The following ADK variants were observed in gnomAD, a reference collection of about 807,000 sequenced individuals.
The protein encoded by ADK is N6,N6-dimethyladenosine kinase.
ADK carries 24 observed loss-of-function variants against 44.7 expected under a neutral mutation model. That is an observed-to-expected ratio of 0.54 (90% CI 0.39 to 0.76). The LOEUF is 0.76. Among genes scored for constraint, ADK ranks in the 30% least tolerant of loss-of-function variants. The pLI is 0.00. For synonymous variants in ADK, 128 were observed against 142.6 expected (o/e 0.90, Z 0.73); for missense variants, 321 against 425.1 (o/e 0.76, Z 2.15).
At chr10:74,220,276 TGG>T (rs2132228024) in intron 2 of ADK, among the ~76,000 whole-genome samples, 1 of 152,216 alleles carries the variant, frequency 6.6e-6, no homozygotes, top group African/African-American at 2.4e-5. Flanking sequence ...CTAGAAGAAA[TGG>T]ATAAATTCCT....
chr10:74,494,478 T>G (rs1847608396), intron 6 of ADK, among the ~76,000 whole-genome samples: 1 of 152,140 alleles, frequency 6.6e-6, no homozygotes, highest in East Asian at 1.9e-4. Context: ...TCTCCTAGAG[T>G]TTAGAATTCC....
chr10:74,493,783 G>A (rs1380252419), intron 6 of ADK, among the ~76,000 whole-genome samples: 1 of 152,040 alleles, frequency 6.6e-6, no homozygotes, highest in East Asian at 1.9e-4. Context: ...CATAGGAAAT[G>A]TTAAAAATAT....
intron 3 of ADK, among the ~76,000 whole-genome samples, chr10:74,247,429 G>A (rs548866117): frequency 6.6e-6 from 1 of 151,126 alleles, no homozygotes; most frequent in Non-Finnish European, 1.5e-5. Flanking sequence ...TGTAGAGAAG[G>A]GTATTTTTTG....
intron 2 of ADK, among the ~76,000 whole-genome samples, chr10:74,223,987 G>T (rs1007556871): frequency 6.6e-6 from 1 of 152,110 alleles, no homozygotes; most frequent in Non-Finnish European, 1.5e-5. Flanking sequence ...TTCTGGGGAG[G>T]CTGAGACAGG....
chr10:74,184,435 T>C (rs1207666884), intron 1 of ADK, among the ~76,000 whole-genome samples: 1 of 151,864 alleles, frequency 6.6e-6, no homozygotes, highest in Admixed American at 6.6e-5. Context: ...GCTCAAGTGA[T>C]CCTCCCACCT....
chr10:74,443,333 TATATC>T (rs1845487417), intron 6 of ADK, among the ~76,000 whole-genome samples: 2 of 152,280 alleles, frequency 1.3e-5, no homozygotes, highest in South Asian at 4.1e-4. Context: ...AAAAATGTAT[TATATC>T]CACACAGTGA....
chr10:74,278,381 A>G (rs981640471), intron 3 of ADK, among the ~76,000 whole-genome samples: 1 of 151,438 alleles, frequency 6.6e-6, no homozygotes, highest in African/African-American at 2.4e-5. Flanking sequence ...AAAAAAAAAA[A>G]AAAAACAACC....
At chr10:74,445,370 C>T (rs1004994342) in intron 6 of ADK, among the ~76,000 whole-genome samples, 1 of 151,822 alleles carries the variant, frequency 6.6e-6, no homozygotes, top group Non-Finnish European at 1.5e-5. Context: ...AGGATTTTTC[C>T]ATTTATAACT....
intron 7 of ADK, among the ~76,000 whole-genome samples, chr10:74,568,320 A>G (rs1298153721): frequency 6.6e-6 from 1 of 151,442 alleles, no homozygotes; most frequent in Non-Finnish European, 1.5e-5. Flanking sequence ...TTTTTTTTTC[A>G]TTGTCATCTC....
chr10:74,417,918 A>G (rs1844429559), intron 6 of ADK, among the ~76,000 whole-genome samples: 1 of 152,124 alleles, frequency 6.6e-6, no homozygotes, highest in Admixed American at 6.6e-5. Context: ...CATATTTTGA[A>G]TTCTATATTC....
intron 4 of ADK, among the ~76,000 whole-genome samples, chr10:74,388,510 GT>G (rs1178022217): frequency 5.9e-5 from 9 of 151,756 alleles, no homozygotes; most frequent in Admixed American, 5.9e-4. Flanking sequence ...ATAGCTCTTC[GT>G]TTATATAAGT....
intron 4 of ADK, chr10:74,371,526 CTT>C: frequency 3.3e-6 from 3 of 907,620 alleles, no homozygotes; most frequent in Non-Finnish European, 3.5e-6. Flanking sequence ...TAAAGCGAAA[CTT>C]TTCACCATGT....
At chr10:74,583,064 A>C (rs1009623612) in intron 7 of ADK, among the ~76,000 whole-genome samples, 2 of 152,246 alleles carry the variant, frequency 1.3e-5, no homozygotes, top group Non-Finnish European at 2.9e-5. Flanking sequence ...TGGTATCATA[A>C]GAAAGTATAT....
chr10:74,492,755 A>T (rs886919106), intron 6 of ADK, among the ~76,000 whole-genome samples: 3 of 152,142 alleles, frequency 2.0e-5, no homozygotes, highest in African/African-American at 7.2e-5. Flanking sequence ...ATGCCTTTTC[A>T]TAAAATACTA....
chr10:74,660,335 C>CT (rs1854662101), intron 9 of ADK, among the ~76,000 whole-genome samples: 1 of 152,060 alleles, frequency 6.6e-6, no homozygotes, highest in African/African-American at 2.4e-5. Flanking sequence ...TTTCGCCATG[C>CT]TACCCAGGCT....
intron 2 of ADK, among the ~76,000 whole-genome samples, chr10:74,201,841 A>T (rs970515954): frequency 6.6e-6 from 1 of 152,078 alleles, no homozygotes; most frequent in Non-Finnish European, 1.5e-5. Flanking sequence ...AGTAAAAAAG[A>T]TTAATGATGA....
At chr10:74,176,999 C>A (rs113854391) in intron 1 of ADK, 4 of 1,448,466 alleles carry the variant, frequency 2.8e-6, no homozygotes, top group Admixed American at 1.9e-5. Flanking sequence ...CGCCTCTGGT[C>A]CCCCTCGTGT....
intron 4 of ADK, among the ~76,000 whole-genome samples, chr10:74,361,103 A>G (rs1305439868): frequency 6.6e-6 from 1 of 152,128 alleles, no homozygotes; most frequent in Non-Finnish European, 1.5e-5. Context: ...AGACGGTTTC[A>G]CTATGTTGGC....
chr10:74,503,855 A>G lies in ADK; in HGVS notation c.556-21401A>G, dbSNP rs144151094. Among the ~76,000 whole-genome samples the G allele has an allele frequency of 4.7e-3, 718 of 152,256 alleles. 7 individuals carry two copies. Among genetic ancestry groups the G allele is most frequent in the African/African-American group, 0.016 (685 of 41,554 alleles). ...AGGCACAGGCAATTTTTTACTCGCC[A>G]TATTTTATCTCCAGGGCACCCAGCT... On this transcript the variant is annotated intron_variant, in intron 6 of 10. Transcript: ENST00000539909.
Sources: gnomAD v4.1 joint callset for allele counts (sites outside exome capture counted in the v4.1 genomes callset) on GRCh38, gnomAD v4.1.1 for gene constraint, MANE v1.5 for transcripts, NCBI Gene and HGNC (gene_info 2026-07-23, HGNC 2026-07-21) for gene names.